PCDHA4: variants seen among roughly 807,000 people sequenced by gnomAD.
PCDHA4 encodes the protein protocadherin alpha-4.
PCDHA4 carries 49 observed loss-of-function variants against 61.4 expected under a neutral mutation model. The observed-to-expected ratio is 0.80, with a 90% CI of 0.63 to 1.01. PCDHA4 has a LOEUF of 1.01. Ranked by LOEUF, PCDHA4 falls within the 50% of genes least tolerant of loss-of-function variation. PCDHA4 has a pLI of 0.00. For synonymous variants in PCDHA4, 590 were observed against 550.3 expected (o/e 1.07, Z -1.01); for missense variants, 1,254 against 1,235.8 (o/e 1.01, Z -0.22).
chr5:140,853,960 C>G, intron 1 of PCDHA4: 2 of 730,184 alleles, frequency 2.7e-6, no homozygotes, highest in Non-Finnish European at 3.4e-6. Flanking sequence ...CTTCCTTGAG[C>G]CCAGCAGTTT....
intron 1 of PCDHA4, among the ~76,000 whole-genome samples, chr5:140,880,929 A>T (rs2058535682): frequency 6.6e-6 from 1 of 152,232 alleles, no homozygotes; most frequent in African/African-American, 2.4e-5. Flanking sequence ...TATGTTAGTA[A>T]AAGTAATGGA....
At chr5:140,965,951 T>C (rs1484541931) in intron 1 of PCDHA4, among the ~76,000 whole-genome samples, 3 of 152,172 alleles carry the variant, frequency 2.0e-5, no homozygotes, top group East Asian at 1.9e-4. Flanking sequence ...GCATTTGCCA[T>C]CCCCCTCCTT....
intron 1 of PCDHA4, among the ~76,000 whole-genome samples, chr5:140,914,464 A>T (rs923814955): frequency 5.9e-5 from 9 of 152,130 alleles, no homozygotes; most frequent in Non-Finnish European, 1.3e-4. Flanking sequence ...GTCTATGTGT[A>T]TCTTCATAGG....
At chr5:140,841,748 T>C in intron 1 of PCDHA4, 6 of 1,613,846 alleles carry the variant, frequency 3.7e-6, no homozygotes, top group Non-Finnish European at 5.1e-6. Flanking sequence ...GCTGTTTGTT[T>C]CAGAATCCAG....
intron 1 of PCDHA4, among the ~76,000 whole-genome samples, chr5:140,975,197 C>T (rs1176492853): frequency 6.6e-6 from 1 of 152,230 alleles, no homozygotes; most frequent in Non-Finnish European, 1.5e-5. Flanking sequence ...TCTGCTCCAT[C>T]TTCATGGCTG....
intron 1 of PCDHA4, among the ~76,000 whole-genome samples, chr5:140,955,351 A>G (rs246019): frequency 0.56 from 85,599 of 151,868 alleles, 24,746 homozygotes; most frequent in African/African-American, 0.69. Flanking sequence ...ACATGTTGTG[A>G]GAGGGACCCA....
At position 140,920,535 on chromosome 5, in the gene PCDHA4, T is replaced by C. The variant is rs75447697; in HGVS notation, c.2386-58414T>C. ...TATGCAATTCGTTAGACTCAGGTTT[T>C]CTATTTCACCTTCGAAGTGTGGCCC... is the stretch of plus-strand genomic sequence containing the variant. On this transcript the variant is annotated intron_variant, in intron 1 of 3. Transcript: ENST00000530339. Among the ~76,000 whole-genome samples the C allele has an allele frequency of 1.3e-3, 198 of 152,336 alleles. 1 individual carries two copies. Among genetic ancestry groups the C allele is most frequent in the African/African-American group, 4.5e-3 (189 of 41,590 alleles).
intron 1 of PCDHA4, chr5:140,830,262 C>T (rs151257683): frequency 1.2e-6 from 2 of 1,613,546 alleles, no homozygotes; most frequent in Admixed American, 1.7e-5. Context: ...CTGCGGTGCT[C>T]GGCGCCACCC....
chr5:140,823,670 C>A, intron 1 of PCDHA4: 1 of 1,614,038 alleles, frequency 6.2e-7, no homozygotes, highest in South Asian at 1.1e-5. Flanking sequence ...GAGATCAGCA[C>A]AACACGCTCT....
At chr5:140,830,134 G>C in intron 1 of PCDHA4, 2 of 1,613,336 alleles carry the variant, frequency 1.2e-6, no homozygotes, top group Non-Finnish European at 1.7e-6. Flanking sequence ...CGTCATCACG[G>C]GCGTCGGTGG....
chr5:140,960,993 A>G (rs1053601284), intron 1 of PCDHA4, among the ~76,000 whole-genome samples: 1 of 152,140 alleles, frequency 6.6e-6, no homozygotes, highest in Non-Finnish European at 1.5e-5. Context: ...AAAATGCTCA[A>G]TTTGCTGCTG....
chr5:140,967,833 T>C, intron 1 of PCDHA4: 1 of 1,614,132 alleles, frequency 6.2e-7, no homozygotes, highest in Non-Finnish European at 8.5e-7. Context: ...GTGGACATCG[T>C]GGACGTGAAT....
intron 1 of PCDHA4, among the ~76,000 whole-genome samples, chr5:140,940,745 T>C (rs1554213585): frequency 6.6e-6 from 1 of 152,260 alleles, no homozygotes; most frequent in Non-Finnish European, 1.5e-5. Flanking sequence ...CATATTTTTA[T>C]GTGTGCCAAC....
chr5:140,964,000 T>C (rs900134447), intron 1 of PCDHA4, among the ~76,000 whole-genome samples: 2 of 152,218 alleles, frequency 1.3e-5, no homozygotes, highest in African/African-American at 2.4e-5. Flanking sequence ...TACTGTGTTC[T>C]ACTTTTTAAT....
rs782439695 is a variant in PCDHA4, at chr5:140,809,272, T to G, written c.2085T>G (p.Asp695Glu). The G allele has an allele frequency of 6.2e-7, 1 of 1,613,988 alleles. No individual in the cohort carries two copies. The highest frequency in any genetic ancestry group is 1.7e-5 in the Admixed American group (1 of 60,014). ...TGGGTCCCGATGCTGCGCTGGTGGA[T>G]GTCAACGTATACCTGATCATTGCCA... is the stretch of plus-strand genomic sequence containing the variant. ...GAVGPDAALV[D>E]VNVYLIIAIC... Residue 695 changes from aspartate to glutamate, a missense_variant, in exon 1 of 4, where the codon GAT (aspartate) becomes GAG (glutamate). Asp to Glu is a conservative substitution (Grantham distance 45). Transcript: ENST00000530339.
intron 1 of PCDHA4, chr5:140,856,004 T>C (rs782001586): frequency 6.5e-7 from 1 of 1,538,284 alleles, no homozygotes; most frequent in Non-Finnish European, 8.8e-7. Context: ...GTATGTGCGT[T>C]CTAGACCGCT....
chr5:140,906,575 T>C (rs1443480852), intron 1 of PCDHA4, among the ~76,000 whole-genome samples: 1 of 152,242 alleles, frequency 6.6e-6, no homozygotes, highest in Non-Finnish European at 1.5e-5. Context: ...ATAGCTGGTA[T>C]TGATGACTAC....
intron 1 of PCDHA4, among the ~76,000 whole-genome samples, chr5:140,906,048 C>A (rs1482228569): frequency 1.3e-5 from 2 of 152,170 alleles, no homozygotes; most frequent in South Asian, 2.1e-4. Context: ...TTTATTCTGG[C>A]TGCACTGGCA....
At chr5:140,969,294 T>C in intron 1 of PCDHA4, 2 of 1,614,212 alleles carry the variant, frequency 1.2e-6, no homozygotes, top group Non-Finnish European at 1.7e-6. Context: ...GCTGGGAACC[T>C]GATTATTCTC....
Sources: gnomAD v4.1 joint callset for allele counts (sites outside exome capture counted in the v4.1 genomes callset) on GRCh38, gnomAD v4.1.1 for gene constraint, MANE v1.5 for transcripts, NCBI Gene and HGNC (gene_info 2026-07-23, HGNC 2026-07-21) for gene names.